Variants in CTNNA2 observed in about 807,000 individuals in gnomAD.
CTNNA2 encodes the protein catenin alpha-2.
CTNNA2 carries 42 observed loss-of-function variants against 101.0 expected under a neutral mutation model. The ratio of observed to expected loss-of-function variants is 0.42; its 90% CI spans 0.32 to 0.54. The LOEUF (loss-of-function observed/expected upper bound fraction) is 0.54. CTNNA2 is among the 20% of genes least tolerant of loss of function. The pLI is 0.14. For missense variants in CTNNA2, 871 were observed against 1,223.1 expected (o/e 0.71, Z 4.29); for synonymous variants, 450 against 456.4 (o/e 0.99, Z 0.18).
chr2:79,853,300 C>A (rs998587707), intron 3 of CTNNA2, among the ~76,000 whole-genome samples: 1 of 152,056 alleles, frequency 6.6e-6, no homozygotes, highest in East Asian at 1.9e-4. Context: ...ACTACCCTGG[C>A]AATTTGATTT....
intron 7 of CTNNA2, among the ~76,000 whole-genome samples, chr2:80,121,594 A>C (rs1473198171): frequency 1.3e-5 from 2 of 152,180 alleles, no homozygotes; most frequent in Admixed American, 1.3e-4. Context: ...TTGAAGATGA[A>C]GGAGCTGATG....
chr2:79,365,942 G>A (rs566741340), intron 3 of CTNNA2, among the ~76,000 whole-genome samples: 2 of 152,312 alleles, frequency 1.3e-5, no homozygotes, highest in South Asian at 2.1e-4. Context: ...GCACATTCAT[G>A]AGGGCTTCTC....
At chr2:80,306,424 CTTT>C (rs1676998814) in intron 7 of CTNNA2, among the ~76,000 whole-genome samples, 1 of 141,674 alleles carries the variant, frequency 7.1e-6, no homozygotes, top group African/African-American at 2.7e-5. Flanking sequence ...TTCTTTCTTT[CTTT>C]CTTTCTTTCT....
intron 7 of CTNNA2, among the ~76,000 whole-genome samples, chr2:80,189,784 A>G (rs1706365039): frequency 6.6e-6 from 1 of 152,070 alleles, no homozygotes; most frequent in Non-Finnish European, 1.5e-5. Context: ...CACACACACA[A>G]TAAAACAAAA....
chr2:80,313,317 G>T (rs1037485348), intron 7 of CTNNA2: 3 of 1,135,022 alleles, frequency 2.6e-6, no homozygotes, highest in African/African-American at 1.6e-5. Context: ...TTTAACATAC[G>T]TGTTTGCTGC....
chr2:80,346,015 A>T (rs971479938), intron 7 of CTNNA2, among the ~76,000 whole-genome samples: 1 of 152,248 alleles, frequency 6.6e-6, no homozygotes, highest in African/African-American at 2.4e-5. Flanking sequence ...ACAATTATTT[A>T]TAAGAAAGAT....
intron 2 of CTNNA2, among the ~76,000 whole-genome samples, chr2:79,202,043 T>C (rs570107144): frequency 6.6e-6 from 1 of 152,296 alleles, no homozygotes; most frequent in African/African-American, 2.4e-5. Context: ...AGACAAATGA[T>C]TGTAATCTTT....
intron 2 of CTNNA2, among the ~76,000 whole-genome samples, chr2:79,294,181 G>C (rs1675907630): frequency 6.7e-6 from 1 of 150,032 alleles, no homozygotes; most frequent in Non-Finnish European, 1.5e-5. Context: ...CAGAGAGAGA[G>C]AGAGAAAGAG....
At chr2:80,564,114 G>T (rs187744173) in intron 12 of CTNNA2, among the ~76,000 whole-genome samples, 1 of 152,008 alleles carries the variant, frequency 6.6e-6, no homozygotes, top group South Asian at 2.1e-4. Flanking sequence ...TCCTTAAATC[G>T]CATACTTAAT....
chr2:80,250,202 AGAGTGT>A (rs1168298078), intron 7 of CTNNA2, among the ~76,000 whole-genome samples: 21 of 142,186 alleles, frequency 1.5e-4, no homozygotes, highest in South Asian at 4.5e-4. Flanking sequence ...AGAGAGAGAG[AGAGTGT>A]GTGTGTGTGT....
intron 3 of CTNNA2, among the ~76,000 whole-genome samples, chr2:79,371,396 GCAGA>G (rs1677868180): frequency 6.6e-6 from 1 of 152,016 alleles, no homozygotes; most frequent in South Asian, 2.1e-4. Context: ...ATCAGCAGCA[GCAGA>G]CAGAGGGAAA....
At chr2:80,544,109 C>A (rs1363158227) in intron 9 of CTNNA2, among the ~76,000 whole-genome samples, 1 of 152,058 alleles carries the variant, frequency 6.6e-6, no homozygotes, top group Non-Finnish European at 1.5e-5. Context: ...GACCTGGGAA[C>A]TTGAATTCAG....
intron 1 of CTNNA2, among the ~76,000 whole-genome samples, chr2:79,579,893 T>G (rs1676044418): frequency 6.6e-6 from 1 of 152,060 alleles, no homozygotes; most frequent in Non-Finnish European, 1.5e-5. Flanking sequence ...GGATTACAGG[T>G]GTGAGCCACC....
At position 79,642,889 on chromosome 2, in the gene CTNNA2, G is replaced by T. The variant is rs577525863; in HGVS notation, c.-5-8663G>T. On this transcript the variant is annotated intron_variant, in intron 1 of 18. Transcript: ENST00000402739. ...ACAATAGGGTATCCACATCCTAGAG[G>T]TACTTTAAAAAAAAAATTAACAGGC... Among the ~76,000 whole-genome samples the T allele has an allele frequency of 2.0e-5, 3 of 151,330 alleles. No homozygotes were observed. The East Asian group carries it at 5.9e-4, about 30-fold the overall frequency.
intron 3 of CTNNA2, among the ~76,000 whole-genome samples, chr2:79,818,820 A>ATT (rs199735028): frequency 0.23 from 12,817 of 55,660 alleles, 2,139 homozygotes; most frequent in East Asian, 0.64. Context: ...CCAAAATGCA[A>ATT]TTATATATAT....
chr2:79,251,673 A>C (rs550694566), intron 2 of CTNNA2, among the ~76,000 whole-genome samples: 33 of 152,224 alleles, frequency 2.2e-4, no homozygotes, highest in African/African-American at 7.9e-4. Context: ...TGAAGACCTG[A>C]GGTCTGCCTA....
At chr2:80,017,479 T>G in intron 7 of CTNNA2, among the ~76,000 whole-genome samples, 1 of 151,692 alleles carries the variant, frequency 6.6e-6, no homozygotes, top group South Asian at 2.1e-4. Flanking sequence ...TATATATGTG[T>G]GTATATATAT....
chr2:80,475,721 C>T (rs551046163), intron 9 of CTNNA2, among the ~76,000 whole-genome samples: 4 of 152,218 alleles, frequency 2.6e-5, no homozygotes, highest in African/African-American at 9.6e-5. Context: ...AATTTACTAA[C>T]AGTCAAATCT....
intron 2 of CTNNA2, among the ~76,000 whole-genome samples, chr2:79,203,630 A>G (rs985324801): frequency 6.6e-6 from 1 of 152,248 alleles, no homozygotes; most frequent in African/African-American, 2.4e-5. Flanking sequence ...TAGTTTTTAA[A>G]TCAAATGCAA....
Sources: allele counts gnomAD v4.1 joint callset (sites outside exome capture counted in the v4.1 genomes callset), GRCh38; gene constraint gnomAD v4.1.1; transcripts MANE v1.5; gene names NCBI Gene and HGNC (gene_info 2026-07-23, HGNC 2026-07-21).